DLGAP2: variants seen among roughly 807,000 people sequenced by gnomAD.
DLGAP2 encodes DLG associated protein 2, also known as disks large-associated protein 2.
In DLGAP2, 26 loss-of-function variants were observed where a neutral mutation model predicts 100.3. The observed-to-expected ratio is 0.26, with a 90% CI of 0.19 to 0.36. The LOEUF (loss-of-function observed/expected upper bound fraction) is 0.36, where lower values mean the gene tolerates loss of function less well. Ranked by LOEUF, DLGAP2 falls within the 10% of genes least tolerant of loss-of-function variation. DLGAP2 has a pLI of 1.00. For synonymous variants in DLGAP2, 886 were observed against 630.1 expected (o/e 1.41, Z -6.08); for missense variants, 1,858 against 1,453.2 (o/e 1.28, Z -4.53).
chr8:759,912 T>C (rs1471496202), intron 1 of DLGAP2, among the ~76,000 whole-genome samples: 1 of 152,236 alleles, frequency 6.6e-6, no homozygotes, highest in African/African-American at 2.4e-5. Context: ...CAGCTTGCCG[T>C]GGAGAGATGC....
chr8:1,432,927 G>A (rs951473453), intron 3 of DLGAP2, among the ~76,000 whole-genome samples: 2 of 152,196 alleles, frequency 1.3e-5, no homozygotes, highest in African/African-American at 4.8e-5. Flanking sequence ...CGAGCATCGA[G>A]GCGCGGAGTT....
At chr8:816,638 C>G (rs1176709655) in intron 1 of DLGAP2, among the ~76,000 whole-genome samples, 3 of 152,110 alleles carry the variant, frequency 2.0e-5, no homozygotes, top group Non-Finnish European at 4.4e-5. Flanking sequence ...GCTTTTGCCT[C>G]CAGCTCTTAA....
intron 3 of DLGAP2, among the ~76,000 whole-genome samples, chr8:1,494,199 C>G (rs1192112325): frequency 6.6e-6 from 1 of 152,226 alleles, no homozygotes; most frequent in Non-Finnish European, 1.5e-5. Flanking sequence ...ATCAAGAAAT[C>G]CAGTCTTTTC....
chr8:1,328,007 G>A (rs895410961), intron 3 of DLGAP2, among the ~76,000 whole-genome samples: 16 of 152,140 alleles, frequency 1.1e-4, no homozygotes, highest in African/African-American at 3.6e-4. Flanking sequence ...TCATGGGTGA[G>A]GCTGAGACTG....
intron 3 of DLGAP2, among the ~76,000 whole-genome samples, chr8:1,487,674 T>A (rs1236352887): frequency 1.3e-5 from 2 of 152,210 alleles, no homozygotes; most frequent in Non-Finnish European, 2.9e-5. Context: ...GAATCGTCTG[T>A]TCATATGTGA....
chr8:1,493,349 C>G (rs900325011), intron 3 of DLGAP2, among the ~76,000 whole-genome samples: 5 of 151,344 alleles, frequency 3.3e-5, no homozygotes, highest in South Asian at 2.1e-4. Context: ...GTGGACCCAG[C>G]GTGTAGACAT....
At chr8:1,491,345 G>T (rs1028775521) in intron 3 of DLGAP2, among the ~76,000 whole-genome samples, 1 of 152,158 alleles carries the variant, frequency 6.6e-6, no homozygotes, top group Non-Finnish European at 1.5e-5. Context: ...GACCCCGGAG[G>T]CTTCGGGCCG....
chr8:1,668,707 C>T, intron 9 of DLGAP2, 29 bp downstream of exon 9: 1 of 1,486,740 alleles, frequency 6.7e-7, no homozygotes. Flanking sequence ...CCGTCAGGGC[C>T]TCGCTCCACT....
At chr8:1,388,967 G>A (rs1194867973) in intron 3 of DLGAP2, among the ~76,000 whole-genome samples, 6 of 140,638 alleles carry the variant, frequency 4.3e-5, no homozygotes, top group East Asian at 2.2e-4. Context: ...GGCAGAGGCC[G>A]TGGATGAGGA....
intron 3 of DLGAP2, among the ~76,000 whole-genome samples, chr8:1,384,174 A>G (rs1335637019): frequency 6.6e-6 from 1 of 152,254 alleles, no homozygotes; most frequent in East Asian, 1.9e-4. Context: ...ACTGTGACCA[A>G]AGGATTCATA....
chr8:900,776 G>A (rs1798236814), intron 1 of DLGAP2, among the ~76,000 whole-genome samples: 1 of 152,208 alleles, frequency 6.6e-6, no homozygotes, highest in Non-Finnish European at 1.5e-5. Context: ...TTCACTGAAG[G>A]ATTGGAATGT....
At chr8:1,358,838 T>A (rs2129646084) in intron 3 of DLGAP2, among the ~76,000 whole-genome samples, 1 of 150,622 alleles carries the variant, frequency 6.6e-6, no homozygotes, top group Admixed American at 6.6e-5. Flanking sequence ...GAGGCAGAAA[T>A]CAGGAGCCCT....
At chr8:1,104,930 C>T (rs950213778) in intron 2 of DLGAP2, 6 of 152,236 alleles carry the variant, frequency 3.9e-5, no homozygotes, top group Admixed American at 1.3e-4. Flanking sequence ...AGGAGAAAAT[C>T]TCTGCCATCT....
rs577814414 is a variant in DLGAP2, at chr8:1,002,412, A to G, written c.73+94446A>G. 1.0e-4 allele frequency: 16 copies of G among 152,388 alleles called. No individual in the cohort carries two copies. In the East Asian group the frequency reaches 1.2e-3, roughly 11 times the overall value. The allele number at this position is 152,388 out of a possible 1,614,324, so 9.4% of individuals were successfully genotyped here. On this transcript the variant is annotated intron_variant, in intron 2 of 14. Transcript: ENST00000637795. The stretch of plus-strand genomic sequence containing the variant: ...AAGAAATGAACAATTGACTATTTAA[A>G]AAGAGCCAAGCCTTAAAAGAAGACC...
intron 2 of DLGAP2, among the ~76,000 whole-genome samples, chr8:1,202,930 G>A (rs1449811558): frequency 1.3e-5 from 2 of 152,214 alleles, no homozygotes; most frequent in South Asian, 2.1e-4. Context: ...CACAGATGGG[G>A]TGAGCACATG....
intron 1 of DLGAP2, among the ~76,000 whole-genome samples, chr8:817,881 T>C (rs1201405708): frequency 6.6e-6 from 1 of 152,188 alleles, no homozygotes; most frequent in African/African-American, 2.4e-5. Context: ...GGGAATGAAA[T>C]GGACTCTGTG....
At chr8:1,504,511 A>G (rs1799835155) in intron 4 of DLGAP2, among the ~76,000 whole-genome samples, 1 of 152,126 alleles carries the variant, frequency 6.6e-6, no homozygotes, top group African/African-American at 2.4e-5. Context: ...CCTCTTGTCT[A>G]ACTGAAATGC....
chr8:1,453,091 C>A (rs1413943770), intron 3 of DLGAP2, among the ~76,000 whole-genome samples: 3 of 151,996 alleles, frequency 2.0e-5, no homozygotes, highest in Non-Finnish European at 4.4e-5. Flanking sequence ...GAAGAGAAAT[C>A]CCTTGTAGAG....
intron 3 of DLGAP2, among the ~76,000 whole-genome samples, chr8:1,358,739 G>C (rs1350958382): frequency 2.9e-5 from 4 of 137,330 alleles, no homozygotes; most frequent in Admixed American, 2.8e-4. Context: ...GCGCAGACAG[G>C]GGCAACCCTG....
Sources: allele counts gnomAD v4.1 joint callset (sites outside exome capture counted in the v4.1 genomes callset), GRCh38; gene constraint gnomAD v4.1.1; transcripts MANE v1.5; gene names NCBI Gene and HGNC (gene_info 2026-07-23, HGNC 2026-07-21).